Variants in AAK1 observed in about 807,000 individuals in gnomAD.
AAK1 encodes the protein AP2-associated protein kinase 1.
AAK1 carries 37 observed loss-of-function variants against 116.0 expected under a neutral mutation model. That is an observed-to-expected ratio of 0.32 (90% CI 0.25 to 0.42). The LOEUF (loss-of-function observed/expected upper bound fraction) is 0.42. Ranked by LOEUF, AAK1 falls within the 10% of genes least tolerant of loss-of-function variation. The probability of loss-of-function intolerance (pLI) is 1.00; values close to 1 mark genes in which losing one functional copy is unlikely to be tolerated. For synonymous variants in AAK1, 458 were observed against 439.9 expected (o/e 1.04, Z -0.51); for missense variants, 919 against 1,170.6 (o/e 0.79, Z 3.14).
intron 2 of AAK1, among the ~76,000 whole-genome samples, chr2:69,591,078 T>C (rs1673006874): frequency 6.6e-6 from 1 of 152,256 alleles, no homozygotes; most frequent in East Asian, 1.9e-4. Context: ...GTCCATATTG[T>C]ATGGAGCATT....
At chr2:69,632,709 T>C (rs961261637) in intron 2 of AAK1, among the ~76,000 whole-genome samples, 6 of 151,770 alleles carry the variant, frequency 4.0e-5, no homozygotes, top group African/African-American at 1.5e-4. Flanking sequence ...CCATCCTGGC[T>C]AACATGGTGA....
intron 2 of AAK1, among the ~76,000 whole-genome samples, chr2:69,635,785 G>C (rs1199338083): frequency 6.6e-6 from 1 of 152,210 alleles, no homozygotes; most frequent in East Asian, 1.9e-4. Context: ...AGGCTAGAGA[G>C]AGGTGGGAAT....
chr2:69,505,135 CCACACACA>C (rs10585161), intron 16 of AAK1, among the ~76,000 whole-genome samples: 1 of 139,676 alleles, frequency 7.2e-6, no homozygotes, highest in South Asian at 2.3e-4. Flanking sequence ...GCACACACAC[CCACACACA>C]CACACACACA....
intron 2 of AAK1, among the ~76,000 whole-genome samples, chr2:69,618,958 C>A (rs1674463210): frequency 6.6e-6 from 1 of 152,142 alleles, no homozygotes; most frequent in South Asian, 2.1e-4. Context: ...CATTTTCTTT[C>A]AATCAACCAA....
intron 3 of AAK1, among the ~76,000 whole-genome samples, chr2:69,548,825 G>C (rs569976937): frequency 2.8e-4 from 42 of 152,104 alleles, no homozygotes; most frequent in African/African-American, 9.4e-4. Context: ...GGATGGTCTC[G>C]ATCTCTTGAC....
intron 16 of AAK1, among the ~76,000 whole-genome samples, chr2:69,501,020 C>T (rs6725791): frequency 0.35 from 52,403 of 151,418 alleles, 10,039 homozygotes; most frequent in East Asian, 0.53. Flanking sequence ...AATTCTGGGA[C>T]TCAGCAGCAA....
chr2:69,551,048 G>T (rs965666426), intron 3 of AAK1, among the ~76,000 whole-genome samples: 4 of 148,634 alleles, frequency 2.7e-5, no homozygotes, highest in Admixed American at 2.0e-4. Context: ...TGCTTCCTGT[G>T]TTTTTTTTTC....
intron 16 of AAK1, among the ~76,000 whole-genome samples, chr2:69,504,375 G>A (rs1676095729): frequency 6.9e-6 from 1 of 145,320 alleles, no homozygotes; most frequent in East Asian, 2.0e-4. Context: ...TCCAGCCTGG[G>A]CGACAGAATG....
At chr2:69,529,846 C>G (rs1013726482) in intron 8 of AAK1, among the ~76,000 whole-genome samples, 162 bp downstream of exon 8, 1 of 152,296 alleles carries the variant, frequency 6.6e-6, no homozygotes, top group Middle Eastern at 3.4e-3. Context: ...ACCCACCACT[C>G]TAACTAGACA....
At chr2:69,521,104 T>C in intron 10 of AAK1, 116 bp from the exon 11 acceptor site, 1 of 1,138,238 alleles carries the variant, frequency 8.8e-7, no homozygotes, top group Non-Finnish European at 1.3e-6. Flanking sequence ...GTCTGTTTAA[T>C]CGATGCTTCC....
intron 2 of AAK1, among the ~76,000 whole-genome samples, chr2:69,614,919 T>A (rs184593293): frequency 2.7e-4 from 41 of 152,210 alleles, no homozygotes; most frequent in African/African-American, 9.6e-4. Context: ...GAAATGATTC[T>A]CCCCTGGAGC....
At chr2:69,561,436 G>A (rs1671631233) in intron 2 of AAK1, among the ~76,000 whole-genome samples, 1 of 152,088 alleles carries the variant, frequency 6.6e-6, no homozygotes, top group African/African-American at 2.4e-5. Flanking sequence ...TATTTCATTT[G>A]TATTCACACA....
At chr2:69,500,357 A>T (rs1675920946) in intron 16 of AAK1, 1 of 152,094 alleles carries the variant, frequency 6.6e-6, no homozygotes, top group Non-Finnish European at 1.5e-5. Flanking sequence ...GACCAGATAA[A>T]CTGAGGAAAC....
rs1674748893 is a variant in AAK1, at chr2:69,473,515, T to G, written c.*2354A>C. 1.5e-5 allele frequency: 15 copies of G among 985,362 alleles called. No individual in the cohort carries two copies. Among genetic ancestry groups the G allele is most frequent in the Non-Finnish European group, 1.8e-5 (15 of 829,948 alleles). 61.0% of individuals were successfully genotyped at this position (985,362 alleles called of 1,614,324 possible). A position where few individuals can be genotyped will look rare whatever the true frequency, so the allele number is the denominator to read the frequency against. ...GACAATTTCTTGTCATTATCTCCCTTAGGCTTCTACTGCCGTCTCTGGCTT... is the reference window on the plus strand; with the variant it reads ...GACAATTTCTTGTCATTATCTCCCTGAGGCTTCTACTGCCGTCTCTGGCTT... On this transcript the variant is annotated 3_prime_UTR_variant, in exon 22 of 22. Transcript: ENST00000409085.
intron 2 of AAK1, among the ~76,000 whole-genome samples, chr2:69,558,902 T>A (rs1671508441): frequency 6.6e-6 from 1 of 152,256 alleles, no homozygotes; most frequent in Non-Finnish European, 1.5e-5. Context: ...TGGCATTTCC[T>A]GCTGTATCTT....
rs114861221 is a variant in AAK1 at position 69,529,670 on chromosome 2, G to T, written c.871+338C>A. ...GAGTTGCTTCCAGTTTTGCAAAGATGAATTTCTTATCACTTGATATGAGTC... is the reference window on the plus strand; with the variant it reads ...GAGTTGCTTCCAGTTTTGCAAAGATTAATTTCTTATCACTTGATATGAGTC... On this transcript the variant is annotated intron_variant, in intron 8 of 21. Coordinates refer to ENST00000409085, the MANE Select transcript of AAK1 (RefSeq NM_014911.5). 5.1e-3 allele frequency among the ~76,000 whole-genome samples: 777 copies of T among 152,244 alleles called. 7 individuals are homozygous for T. The highest frequency in any genetic ancestry group is 0.017 in the African/African-American group (723 of 41,528).
intron 2 of AAK1, among the ~76,000 whole-genome samples, chr2:69,610,409 CAT>C (rs974280110): frequency 6.6e-6 from 1 of 152,146 alleles, no homozygotes; most frequent in African/African-American, 2.4e-5. Flanking sequence ...CAGAAGAAAA[CAT>C]ATGGGAAAAT....
intron 2 of AAK1, among the ~76,000 whole-genome samples, chr2:69,630,272 A>G (rs1675104260): frequency 7.0e-6 from 1 of 142,942 alleles, no homozygotes; most frequent in African/African-American, 2.6e-5. Flanking sequence ...TCAAACTACA[A>G]TATTTCTCTT....
At chr2:69,541,224 CTTCTT>C (rs1383308692) in intron 5 of AAK1, among the ~76,000 whole-genome samples, 3 of 141,634 alleles carry the variant, frequency 2.1e-5, no homozygotes, top group Non-Finnish European at 4.5e-5. Context: ...GAATTTTATA[CTTCTT>C]TTTTTTTTTT....
Sources: gnomAD v4.1 joint callset for allele counts (sites outside exome capture counted in the v4.1 genomes callset) on GRCh38, gnomAD v4.1.1 for gene constraint, MANE v1.5 for transcripts, NCBI Gene and HGNC (gene_info 2026-07-23, HGNC 2026-07-21) for gene names.